The following CACNA2D3 variants were observed in gnomAD, a reference collection of about 807,000 sequenced individuals.
CACNA2D3 encodes the protein voltage-dependent calcium channel subunit alpha-2/delta-3.
CACNA2D3 carries 60 observed loss-of-function variants against 160.6 expected under a neutral mutation model. That is an observed-to-expected ratio of 0.37 (90% CI 0.30 to 0.46). CACNA2D3 has a LOEUF of 0.46. Among genes scored for constraint, CACNA2D3 ranks in the 20% least tolerant of loss-of-function variants. The pLI, the probability that CACNA2D3 is intolerant of heterozygous loss-of-function variation, is 1.00. For synonymous variants in CACNA2D3, 558 were observed against 492.9 expected (o/e 1.13, Z -1.75); for missense variants, 1,205 against 1,365.0 (o/e 0.88, Z 1.85).
At chr3:54,989,152 G>T (rs573143321) in intron 31 of CACNA2D3, among the ~76,000 whole-genome samples, 71 of 152,298 alleles carry the variant, frequency 4.7e-4, no homozygotes, top group African/African-American at 1.6e-3. Flanking sequence ...TCAACTTGGT[G>T]GGGGGAGGAG....
chr3:54,315,680 G>T (rs183366122), intron 2 of CACNA2D3, among the ~76,000 whole-genome samples: 1 of 152,132 alleles, frequency 6.6e-6, no homozygotes, highest in Non-Finnish European at 1.5e-5. Flanking sequence ...TGCAACATGG[G>T]GGTTTGTGAG....
intron 8 of CACNA2D3, among the ~76,000 whole-genome samples, chr3:54,577,368 G>A (rs1702602401): frequency 6.6e-6 from 1 of 152,170 alleles, no homozygotes; most frequent in Admixed American, 6.5e-5. Context: ...GGCTTAGAGT[G>A]GGACAGTGTG....
At chr3:54,627,382 G>C (rs186927284) in intron 9 of CACNA2D3, among the ~76,000 whole-genome samples, 1 of 152,156 alleles carries the variant, frequency 6.6e-6, no homozygotes, top group African/African-American at 2.4e-5. Context: ...GGGAGAGGGC[G>C]TGGCAGGAGA....
intron 2 of CACNA2D3, among the ~76,000 whole-genome samples, chr3:54,305,588 T>C (rs1703579991): frequency 1.3e-5 from 2 of 152,254 alleles, no homozygotes; most frequent in African/African-American, 4.8e-5. Flanking sequence ...CTTAGTGACA[T>C]AGACCAGCAT....
intron 5 of CACNA2D3, among the ~76,000 whole-genome samples, chr3:54,521,078 A>G (rs1269645327): frequency 1.3e-5 from 2 of 152,062 alleles, no homozygotes; most frequent in Non-Finnish European, 2.9e-5. Context: ...GAACACTCAC[A>G]TTTTTCTGTG....
intron 13 of CACNA2D3, among the ~76,000 whole-genome samples, chr3:54,801,706 G>A (rs995882145): frequency 6.6e-6 from 1 of 151,880 alleles, no homozygotes; most frequent in East Asian, 1.9e-4. Flanking sequence ...GGCATTACTT[G>A]TGTGATTTTT....
intron 9 of CACNA2D3, among the ~76,000 whole-genome samples, chr3:54,601,852 AT>A (rs1354202597): frequency 2.6e-5 from 4 of 151,924 alleles, no homozygotes. Context: ...AAACATGTTT[AT>A]TTTTTGCTGA....
At chr3:55,068,608 C>G (rs542350554) in intron 35 of CACNA2D3, among the ~76,000 whole-genome samples, 120 of 152,172 alleles carry the variant, frequency 7.9e-4, no homozygotes, top group Non-Finnish European at 1.3e-3. Context: ...AATACTGGTA[C>G]TTTACGTATA....
chr3:54,924,258 T>C (rs941105490), intron 27 of CACNA2D3, among the ~76,000 whole-genome samples: 1 of 152,178 alleles, frequency 6.6e-6, no homozygotes, highest in Non-Finnish European at 1.5e-5. Context: ...ATACCCACAA[T>C]TGGATCAGAC....
At chr3:54,527,319 G>A (rs1701741023) in intron 5 of CACNA2D3, among the ~76,000 whole-genome samples, 1 of 152,174 alleles carries the variant, frequency 6.6e-6, no homozygotes, top group Non-Finnish European at 1.5e-5. Flanking sequence ...GTTCATTTGG[G>A]AAGAAATTTC....
At chr3:54,548,008 C>G (rs2106678311) in intron 5 of CACNA2D3, among the ~76,000 whole-genome samples, 1 of 152,280 alleles carries the variant, frequency 6.6e-6, no homozygotes. Context: ...ACCTCATTTT[C>G]TTTATACAAG....
At chr3:54,704,651 C>T (rs1012908234) in intron 11 of CACNA2D3, among the ~76,000 whole-genome samples, 2 of 152,094 alleles carry the variant, frequency 1.3e-5, no homozygotes, top group Non-Finnish European at 2.9e-5. Context: ...GGGGTGGAAT[C>T]CCTTTAACAA....
chr3:54,272,052 A>T (rs1479931399), intron 2 of CACNA2D3, among the ~76,000 whole-genome samples: 1 of 152,010 alleles, frequency 6.6e-6, no homozygotes, highest in Non-Finnish European at 1.5e-5. Flanking sequence ...GGAAGAGAGG[A>T]CTGGAAGTTT....
At chr3:54,402,977 T>A (rs1298289915) in intron 4 of CACNA2D3, among the ~76,000 whole-genome samples, 1 of 152,126 alleles carries the variant, frequency 6.6e-6, no homozygotes, top group Non-Finnish European at 1.5e-5. Context: ...AATAGGAAGA[T>A]TTTTGGAAAA....
chr3:54,725,284 C>T (rs1373241347), intron 11 of CACNA2D3, among the ~76,000 whole-genome samples: 1 of 152,046 alleles, frequency 6.6e-6, no homozygotes, highest in Admixed American at 6.5e-5. Flanking sequence ...GCCTACCAAC[C>T]AAAAGAAGTC....
At chr3:54,598,307 C>CAAAAAAAAAAAAAAA (rs10656534) in intron 9 of CACNA2D3, among the ~76,000 whole-genome samples, 4 of 49,840 alleles carry the variant, frequency 8.0e-5, no homozygotes, top group Admixed American at 3.5e-4. Flanking sequence ...CTCCGTCTCA[C>CAAAAAAAAAAAAAAA]AAAAAAAAAA....
At chr3:54,897,985 T>G (rs1700230345) in intron 26 of CACNA2D3, among the ~76,000 whole-genome samples, 2 of 152,180 alleles carry the variant, frequency 1.3e-5, no homozygotes, top group Non-Finnish European at 2.9e-5. Flanking sequence ...TCTGTGCTCC[T>G]TTGCTGATAG....
intron 9 of CACNA2D3, among the ~76,000 whole-genome samples, chr3:54,618,348 C>CATATAT (rs1553752911): frequency 5.9e-5 from 1 of 16,972 alleles, no homozygotes; most frequent in South Asian, 2.1e-3. Context: ...GATGTTGATA[C>CATATAT]ATACATATAT....
At chr3:54,828,844 G>A (rs933638950) in intron 14 of CACNA2D3, among the ~76,000 whole-genome samples, 1 of 152,220 alleles carries the variant, frequency 6.6e-6, no homozygotes, top group South Asian at 2.1e-4. Context: ...GATTCAGTAA[G>A]AAGAGGGAAA....
Sources: gnomAD v4.1 joint callset for allele counts (sites outside exome capture counted in the v4.1 genomes callset) on GRCh38, gnomAD v4.1.1 for gene constraint, MANE v1.5 for transcripts, NCBI Gene and HGNC (gene_info 2026-07-23, HGNC 2026-07-21) for gene names.